The following ABCA1 variants were observed in gnomAD, a reference collection of about 807,000 sequenced individuals.
The protein encoded by ABCA1 is phospholipid-transporting ATPase ABCA1.
A neutral mutation model predicts 262.5 loss-of-function variants in ABCA1; 133 were observed. The ratio of observed to expected loss-of-function variants is 0.51; its 90% CI spans 0.44 to 0.59. The LOEUF (loss-of-function observed/expected upper bound fraction) is 0.59. Among genes scored for constraint, ABCA1 ranks in the 20% least tolerant of loss-of-function variants. The probability of loss-of-function intolerance (pLI) is 0.00; values close to 1 mark genes in which losing one functional copy is unlikely to be tolerated. For missense variants in ABCA1, 2,452 were observed against 2,777.5 expected (o/e 0.88, Z 2.63); for synonymous variants, 1,022 against 1,043.5 (o/e 0.98, Z 0.40).
At chr9:104,847,424 A>G (rs1032427351) in intron 7 of ABCA1, among the ~76,000 whole-genome samples, 1 of 152,228 alleles carries the variant, frequency 6.6e-6, no homozygotes, top group Non-Finnish European at 1.5e-5. Context: ...CCCCTCGCAC[A>G]GTGCCTGGCA....
Position 104,831,609 on chromosome 9 carries a change from G to A in ABCA1, c.1715+13C>T, listed in dbSNP as rs1161658663. 3 of 1,609,124 alleles carry A rather than the reference G, an allele frequency of 1.9e-6. No homozygotes were observed. The highest frequency in any genetic ancestry group is 4.5e-5 in the East Asian group (2 of 44,832). ...TCCCCAAGACCAGGCTGGTGTGATG[G>A]GATTCCACTTACCCATCCTTGATTT... On this transcript the variant is annotated intron_variant, in intron 13 of 49. Coordinates refer to ENST00000374736, the MANE Select transcript of ABCA1 (RefSeq NM_005502.4).
At chr9:104,852,837 C>T (rs959112453) in intron 7 of ABCA1, among the ~76,000 whole-genome samples, 5 of 152,092 alleles carry the variant, frequency 3.3e-5, no homozygotes, top group African/African-American at 9.7e-5. Context: ...CAGGAGAACA[C>T]GAGCAAGTGT....
chr9:104,798,330 C>T (rs1588226120), intron 37 of ABCA1, 91 bp downstream of exon 37: 3 of 1,467,496 alleles, frequency 2.0e-6, no homozygotes, highest in Middle Eastern at 1.7e-4. Flanking sequence ...TGGAACATTT[C>T]CTGATGATAG....
rs554562387 is a variant in ABCA1, at chr9:104,827,181, G to C, written c.2116-12C>G. Reference sequence around the variant, plus strand: ...AGCAGGTTTCCTAACTGGGAAGGAAGAGACACATCAAATGTGCTGCCTCAA... The same window carrying C: ...AGCAGGTTTCCTAACTGGGAAGGAACAGACACATCAAATGTGCTGCCTCAA... On this transcript the variant is annotated splice_polypyrimidine_tract_variant and intron_variant, in intron 15 of 49. Coordinates refer to ENST00000374736, the MANE Select transcript of ABCA1 (RefSeq NM_005502.4). 6.2e-7 allele frequency: 1 copy of C among 1,607,976 alleles called. No individual in the cohort carries two copies. Among genetic ancestry groups the C allele is most frequent in the African/African-American group, 1.3e-5 (1 of 74,910 alleles).
intron 37 of ABCA1, 101 bp from the exon 38 acceptor site, chr9:104,796,525 T>C: frequency 1.2e-6 from 1 of 837,658 alleles, no homozygotes; most frequent in Non-Finnish European, 2.0e-6. Context: ...CAGATAAACA[T>C]ATTGGAGAGT....
intron 5 of ABCA1, among the ~76,000 whole-genome samples, chr9:104,865,104 T>G (rs1282917188): frequency 6.6e-6 from 1 of 152,170 alleles, no homozygotes; most frequent in African/African-American, 2.4e-5. Context: ...ACTCACACAC[T>G]AGCACCAACC....
At position 104,795,968 on chromosome 9, in the gene ABCA1, A is replaced by G. The variant is rs73519807; in HGVS notation, c.5382+85T>C. 5.3e-3 allele frequency: 8,432 copies of G among 1,584,522 alleles called. 401 individuals carry two copies. The African/African-American group carries it at 0.098, about 18-fold the overall frequency. Reference sequence around the variant, plus strand: ...GTCAGCAGTGTCAATACCACTGACAAGTGGAATAAGATCACAATTAAACAC... The same window carrying G: ...GTCAGCAGTGTCAATACCACTGACAGGTGGAATAAGATCACAATTAAACAC... On this transcript the variant is annotated intron_variant, in intron 39 of 49. Coordinates refer to ENST00000374736, the MANE Select transcript of ABCA1 (RefSeq NM_005502.4).
rs1830130743 is a variant in ABCA1 at position 104,799,177 on chromosome 9, A to AG, written c.4944-580dup. Among the ~76,000 whole-genome samples the AG allele has an allele frequency of 2.6e-5, 4 of 152,280 alleles. 1 individual carries two copies. The South Asian group carries it at 8.3e-4, about 32-fold the overall frequency. On this transcript the variant is annotated intron_variant, in intron 36 of 49. Transcript: ENST00000374736. ...GTGTCCTATATTAGTATCCTGTAGG[A>AG]GTAAAGCAGAAACAGGAACTGCCAT...
rs1454126964 is a variant in ABCA1 at position 104,830,990 on chromosome 9, C to T, written c.1827G>A (p.Thr609=). ...AGACACCAGTTTTCTTCTCGGTGCC[C>T]GTCAGCACCCTGATGATTGCCTGCT... ...VVEQAIIRVL[T]GTEKKTGVYM... The change falls in exon 14 of 50, where the codon ACG becomes ACA. Residue 609 remains threonine, a synonymous_variant. Transcript: ENST00000374736. The T allele has an allele frequency of 6.2e-6, 10 of 1,613,822 alleles. No individual in the cohort carries two copies. The Admixed American group carries it at 1.0e-4, about 16-fold the overall frequency.
At position 104,810,167 on chromosome 9, in the gene ABCA1, T is replaced by C. The variant is rs1588264831; in HGVS notation, c.4176-603A>G. ...ATATATATATATATATATATATATA[T>C]ACTTTTTTTTTTTTAAATGCTTCCC... On this transcript the variant is annotated intron_variant, in intron 29 of 49. Coordinates refer to ENST00000374736, the MANE Select transcript of ABCA1 (RefSeq NM_005502.4). Among the ~76,000 whole-genome samples, 4 of 126,058 alleles carry C rather than the reference T, an allele frequency of 3.2e-5. No individual in the cohort carries two copies. In the South Asian group the frequency reaches 1.2e-3, roughly 37 times the overall value. 82.7% of individuals were successfully genotyped at this position (126,058 alleles called of 152,430 possible). A position where few individuals can be genotyped will look rare whatever the true frequency, so the allele number is the denominator to read the frequency against.
At chr9:104,844,730 T>TA (rs1384054234) in intron 8 of ABCA1, among the ~76,000 whole-genome samples, 1 of 152,196 alleles carries the variant, frequency 6.6e-6, no homozygotes, top group Non-Finnish European at 1.5e-5. Context: ...TCCTACACGT[T>TA]AAAGTCTGTA....
At chr9:104,845,089 G>A (rs1478661084) in intron 8 of ABCA1, among the ~76,000 whole-genome samples, 1 of 152,194 alleles carries the variant, frequency 6.6e-6, no homozygotes, top group Non-Finnish European at 1.5e-5. Context: ...CATGTGTGTT[G>A]GTAAAATGAT....
At chr9:104,808,592 C>A (rs551042207) in intron 30 of ABCA1, among the ~76,000 whole-genome samples, 3 of 152,326 alleles carry the variant, frequency 2.0e-5, no homozygotes, top group African/African-American at 4.8e-5. Flanking sequence ...TAAGAACAAA[C>A]AAGCACACAG....
intron 5 of ABCA1, among the ~76,000 whole-genome samples, chr9:104,880,271 A>C (rs1838513833): frequency 6.6e-6 from 1 of 152,174 alleles, no homozygotes; most frequent in African/African-American, 2.4e-5. Context: ...CAGGTCTCTA[A>C]GTGGGGATCC....
chr9:104,924,063 C>T (rs1490968228), intron 1 of ABCA1, among the ~76,000 whole-genome samples: 1 of 152,068 alleles, frequency 6.6e-6, no homozygotes, highest in Non-Finnish European at 1.5e-5. Flanking sequence ...AATGAATAAA[C>T]ACGTGAAAAA....
Position 104,785,551 on chromosome 9 carries a change from G to A in ABCA1, c.6490C>T (p.Pro2164Ser), listed in dbSNP as rs781357198. ...TGTTTCTCTTTTAGAACACTTCCAGGAAATGCAAGTCCAAAGAAATCCTGG... is the reference window on the plus strand; with the variant it reads ...TGTTTCTCTTTTAGAACACTTCCAGAAAATGCAAGTCCAAAGAAATCCTGG... ...PVQDFFGLAFPGSVLKEKHRN... is the reference protein window; with the variant it reads ...PVQDFFGLAFSGSVLKEKHRN... The change falls in exon 49 of 50, where the codon CCT becomes TCT. Residue 2164 changes from proline (P) to serine (S), a missense_variant. Around this residue, in one of 4 missense-constraint regions of ABCA1, gnomAD observed 752 missense variants for 944.5 expected, o/e 0.80. Transcript: ENST00000374736. The A allele has an allele frequency of 1.1e-5, 18 of 1,614,052 alleles. No homozygotes were observed. In the South Asian group the frequency reaches 1.8e-4, roughly 16 times the overall value.
At chr9:104,862,246 G>C (rs529248359) in intron 5 of ABCA1, among the ~76,000 whole-genome samples, 4 of 151,916 alleles carry the variant, frequency 2.6e-5, no homozygotes, top group African/African-American at 4.8e-5. Context: ...TGGGATTACA[G>C]GTATGCATCA....
chr9:104,839,944 T>C (rs548994419), intron 9 of ABCA1, among the ~76,000 whole-genome samples: 4 of 152,256 alleles, frequency 2.6e-5, no homozygotes, highest in Admixed American at 6.5e-5. Context: ...AAGTGAGATC[T>C]TGCAGGATTT....
At chr9:104,875,701 A>G (rs1160657961) in intron 5 of ABCA1, among the ~76,000 whole-genome samples, 1 of 152,168 alleles carries the variant, frequency 6.6e-6, no homozygotes, top group African/African-American at 2.4e-5. Context: ...GTCAGGAGCC[A>G]AAGTAGGCCA....
Sources: allele counts gnomAD v4.1 joint callset (sites outside exome capture counted in the v4.1 genomes callset), GRCh38; gene constraint gnomAD v4.1.1; regional missense constraint gnomAD v4.1.1; transcripts MANE v1.5; gene names NCBI Gene and HGNC (gene_info 2026-07-23, HGNC 2026-07-21).